The following SEC14L3 variants were observed in gnomAD, a reference collection of about 807,000 sequenced individuals.
SEC14L3 encodes SEC14-like protein 3.
SEC14L3 carries 56 observed loss-of-function variants against 57.4 expected under a neutral mutation model. The observed-to-expected ratio is 0.97, with a 90% confidence interval of 0.79 to 1.22. SEC14L3 has a LOEUF of 1.22. Ranked by LOEUF, SEC14L3 falls within the 50% of genes most tolerant of loss-of-function variation. The pLI, the probability that SEC14L3 is intolerant of heterozygous loss-of-function variation, is 0.00. For missense variants in SEC14L3, 485 were observed against 511.7 expected, an observed-to-expected ratio of 0.95 and a Z score of 0.50; for synonymous variants, 173 against 194.4, an observed-to-expected ratio of 0.89 and a Z score of 0.92.
chr22:30,470,073 C>T lies in SEC14L3; in HGVS notation c.180G>A (p.Met60Ile), dbSNP rs370195024. 1.8e-4 allele frequency: 282 copies of T among 1,601,616 alleles called. No individual in the cohort carries two copies. Among genetic ancestry groups the T allele is most frequent in the South Asian group, 6.9e-4 (62 of 89,256 alleles). ...CAATATCCATGGTCTTCCGGAACTCCATGTACTGAAAGGGAAATGAGTGGT... is the reference window on the plus strand; with the variant it reads ...CAATATCCATGGTCTTCCGGAACTCTATGTACTGAAAGGGAAATGAGTGGT... ...QKSEALLRKY[M>I]EFRKTMDIDH... The change falls in exon 4 of 12, where the codon ATG becomes ATA. Residue 60 changes from methionine (M) to isoleucine (I), a missense_variant. Coordinates refer to ENST00000215812, the MANE Select transcript of SEC14L3 (RefSeq NM_174975.5).
downstream of SEC14L3, among the ~76,000 whole-genome samples, chr22:30,455,082 A>ATATATTATATTT (rs1569225573): frequency 2.2e-3 from 79 of 36,530 alleles, no homozygotes; most frequent in East Asian, 0.029. Flanking sequence ...ATAATATATT[A>ATATATTATATTT]AATATTTAAT....
chr22:30,458,763 C>T (rs1297228647), downstream of SEC14L3, among the ~76,000 whole-genome samples: 1 of 152,130 alleles, frequency 6.6e-6, no homozygotes, highest in Non-Finnish European at 1.5e-5. Flanking sequence ...GTTATCCCAG[C>T]ACTTTGGGAG....
intron 2 of SEC14L3, 114 bp from the exon 3 acceptor site, chr22:30,470,369 C>G (rs143513952): frequency 3.8e-5 from 60 of 1,590,982 alleles, no homozygotes; most frequent in Non-Finnish European, 4.5e-5. Flanking sequence ...TCCCCTACCC[C>G]CTTCCCTCCT....
rs761535888 is a variant in SEC14L3, at chr22:30,468,817, GGAA to G, written c.235-124_235-122del. 2.0e-5 allele frequency: 32 copies of G among 1,584,258 alleles called. No homozygotes were observed. The Middle Eastern group carries it at 6.6e-4, about 33-fold the overall frequency. ...GGTATAAAAAGCACTGTCCCTCCCT[GGAA>G]GACAGTGCTATTGTCTCAGGTGAGA... On this transcript the variant is annotated intron_variant, in intron 4 of 11. Transcript: ENST00000215812.
In SEC14L3 at chr22:30,461,422, C is replaced by G. The variant is rs781447683; in HGVS notation, c.969G>C (p.Lys323Asn). The change falls in exon 11 of 12, where the codon AAG (lysine) becomes AAC (asparagine). Residue 323 changes from lysine (K) to asparagine (N), a missense_variant. Lys to Asn is a moderately conservative substitution (Grantham distance 94, BLOSUM62 0). Transcript: ENST00000215812. ...DIGFGVFLKT[K>N]MGERQRAGEM... ...CCCCTGCCCGCTGTCGCTCCCCCAT[C>G]TTGGTCTTCAGGAAAACTCCGAAGC... 1 of 1,614,108 alleles carries G rather than the reference C, an allele frequency of 6.2e-7. No individual in the cohort carries two copies. The highest frequency in any genetic ancestry group is 1.1e-5 in the South Asian group (1 of 91,072).
downstream of SEC14L3, among the ~76,000 whole-genome samples, chr22:30,456,299 C>CAAAA (rs61284271): frequency 7.3e-5 from 7 of 95,956 alleles, no homozygotes; most frequent in African/African-American, 8.0e-5. Context: ...ACCCTGTCTC[C>CAAAA]AAAAAAAAAA....
exon 13 of SEC14L3, chr22:30,448,720 A>AAT: frequency 5.9e-6 from 1 of 169,146 alleles, no homozygotes; most frequent in Non-Finnish European, 1.3e-5. Flanking sequence ...AAAAAAAAAA[A>AAT]GAAAGAAAGA....
chr22:30,449,069 T>TA, exon 13 of SEC14L3: 1 of 1,550,144 alleles, frequency 6.5e-7, no homozygotes, highest in Non-Finnish European at 8.7e-7. Context: ...ACAGGCCAGT[T>TA]ACTCACACAG....
chr22:30,471,465 A>G (rs751822103), intron 1 of SEC14L3, among the ~76,000 whole-genome samples: 2 of 152,270 alleles, frequency 1.3e-5, no homozygotes, highest in Non-Finnish European at 1.5e-5. Flanking sequence ...TAGCTCTTTG[A>G]AAGACAACAC....
chr22:30,454,517 A>G, downstream of SEC14L3, among the ~76,000 whole-genome samples: 1 of 122,576 alleles, frequency 8.2e-6, no homozygotes, highest in East Asian at 2.3e-4. Context: ...CTATAATAAT[A>G]TTATTATATA....
At chr22:30,449,261 G>T (rs1034036245) in intron 12 of SEC14L3, 11 of 1,548,242 alleles carry the variant, frequency 7.1e-6, no homozygotes, top group Non-Finnish European at 9.6e-6. Flanking sequence ...AATTGAGGTG[G>T]TTATGAGAAA....
intron 7 of SEC14L3, among the ~76,000 whole-genome samples, chr22:30,465,579 G>A (rs976315809): frequency 6.6e-6 from 1 of 151,856 alleles, no homozygotes; most frequent in African/African-American, 2.4e-5. Context: ...CTAAGATTCA[G>A]CCAAACAACA....
chr22:30,464,407 A>C (rs1204094984), intron 8 of SEC14L3, among the ~76,000 whole-genome samples: 1 of 152,214 alleles, frequency 6.6e-6, no homozygotes, highest in Non-Finnish European at 1.5e-5. Context: ...GTTGGGAAGA[A>C]GGAGCCTCTG....
At chr22:30,467,243 A>G in intron 5 of SEC14L3, 166 bp from the exon 6 acceptor site, 1 of 440,522 alleles carries the variant, frequency 2.3e-6, no homozygotes, top group Non-Finnish European at 2.9e-6. Flanking sequence ...CCATCCATCC[A>G]TCCACATCCA....
downstream of SEC14L3, among the ~76,000 whole-genome samples, chr22:30,459,076 A>G (rs1000398569): frequency 4.6e-5 from 7 of 152,154 alleles, no homozygotes; most frequent in African/African-American, 1.7e-4. Flanking sequence ...TGGATCTGCC[A>G]CCCAAGCTGT....
downstream of SEC14L3, among the ~76,000 whole-genome samples, chr22:30,455,016 A>G (rs1935082284): frequency 1.3e-5 from 1 of 74,394 alleles, no homozygotes; most frequent in Non-Finnish European, 2.2e-5. Context: ...TGTATAATAT[A>G]TTATATATAA....
downstream of SEC14L3, among the ~76,000 whole-genome samples, chr22:30,454,588 TATTA>T (rs1935052321): frequency 2.6e-5 from 2 of 75,786 alleles, no homozygotes; most frequent in African/African-American, 1.5e-4. Flanking sequence ...ATAATAATAT[TATTA>T]TATATAATCT....
intron 5 of SEC14L3, among the ~76,000 whole-genome samples, chr22:30,467,596 G>A (rs763367544): frequency 3.3e-5 from 5 of 152,168 alleles, no homozygotes; most frequent in Non-Finnish European, 7.3e-5. Flanking sequence ...CAGCACAAGA[G>A]CTTCAGGGAT....
intron 7 of SEC14L3, 60 bp from the exon 8 acceptor site, chr22:30,464,963 A>G: frequency 6.2e-7 from 1 of 1,610,448 alleles, no homozygotes; most frequent in South Asian, 1.1e-5. Flanking sequence ...AACCCCCTCC[A>G]TAATGGTTAT....
Sources: gnomAD v4.1 joint callset for allele counts (sites outside exome capture counted in the v4.1 genomes callset) on GRCh38, gnomAD v4.1.1 for gene constraint, MANE v1.5 for transcripts, NCBI Gene and HGNC (gene_info 2026-07-23, HGNC 2026-07-21) for gene names.